ZNF148: variants seen among roughly 807,000 people sequenced by gnomAD.
The protein encoded by ZNF148 is zinc finger protein 148.
Under a neutral mutation model 67.7 loss-of-function variants are expected in ZNF148, and 7 were observed. The ratio of observed to expected loss-of-function variants is 0.10; its 90% CI spans 0.06 to 0.19. ZNF148 has a LOEUF of 0.19. Among genes scored for constraint, ZNF148 ranks in the 10% least tolerant of loss-of-function variants. The pLI, the probability that ZNF148 is intolerant of heterozygous loss-of-function variation, is 1.00. For missense variants in ZNF148, 583 were observed against 947.1 expected (o/e 0.62, Z 5.05); for synonymous variants, 333 against 330.7 (o/e 1.01, Z -0.08).
At chr3:125,322,783 A>G (rs1579802826) in intron 3 of ZNF148, among the ~76,000 whole-genome samples, 2 of 152,332 alleles carry the variant, frequency 1.3e-5, no homozygotes, top group South Asian at 4.1e-4. Context: ...ATATACTAAT[A>G]TATCAAACTT....
chr3:125,242,916 C>T (rs1936432088), intron 7 of ZNF148, among the ~76,000 whole-genome samples: 1 of 152,172 alleles, frequency 6.6e-6, no homozygotes, highest in African/African-American at 2.4e-5. Flanking sequence ...AATTCATAAG[C>T]CTTTATAATA....
chr3:125,244,045 A>C (rs1936485685), intron 7 of ZNF148, among the ~76,000 whole-genome samples: 1 of 152,204 alleles, frequency 6.6e-6, no homozygotes, highest in Admixed American at 6.5e-5. Context: ...GTATCAAGAA[A>C]TTTTAAATGT....
rs540549958 is a variant in ZNF148, at chr3:125,298,569, G to A, written c.334-10341C>T. Among the ~76,000 whole-genome samples the A allele has an allele frequency of 6.6e-5, 10 of 150,516 alleles. No homozygotes were observed. In the South Asian group the frequency reaches 2.1e-3, roughly 32 times the overall value. ...TGTAAATTTCAAATGCATACAAATA[G>A]CATTATCCAATTTATGTAATAAAAC... On this transcript the variant is annotated intron_variant, in intron 4 of 8. Transcript: ENST00000360647.
chr3:125,368,892 C>T (rs1033562507), intron 1 of ZNF148, among the ~76,000 whole-genome samples: 5 of 151,630 alleles, frequency 3.3e-5, no homozygotes, highest in African/African-American at 9.7e-5. Context: ...TTGCAGTGAG[C>T]CAAGATGGCG....
intron 1 of ZNF148, among the ~76,000 whole-genome samples, chr3:125,338,659 CAAAAAAAAAAAAAA>C (rs757727396): frequency 1.6e-3 from 83 of 51,194 alleles, no homozygotes; most frequent in South Asian, 0.011. Context: ...GACCCTGTCT[CAAAAAAAAAAAAAA>C]AAAAAAAAAA....
chr3:125,337,698 C>T (rs1446222068), intron 1 of ZNF148, among the ~76,000 whole-genome samples: 1 of 152,196 alleles, frequency 6.6e-6, no homozygotes, highest in African/African-American at 2.4e-5. Context: ...TAAACACTCA[C>T]ACACAACTAT....
rs1173134232 is a variant in ZNF148, at chr3:125,233,094, C to G, written c.1632G>C (p.Leu544=). ...TAGCTTTGTGGGAATAATGATCCAA[C>G]AGAGTCTGCAGTACCTCATCTGGAA... ...NVIPDEVLQT[L]LDHYSHKANG... The change falls in exon 9 of 9, where the codon CTG becomes CTC. Residue 544 remains leucine (L), a synonymous_variant. Transcript: ENST00000360647. The surrounding 1 kb of genome is among the most constrained non-coding windows in gnomAD (Gnocchi z 5.1). 1.2e-6 allele frequency: 2 copies of G among 1,613,642 alleles called. No individual in the cohort carries two copies. The highest frequency in any genetic ancestry group is 1.1e-5 in the South Asian group (1 of 91,068).
In ZNF148 at chr3:125,262,555, G is replaced by T. The variant is rs138426759; in HGVS notation, c.667+15171C>A. Among the ~76,000 whole-genome samples the T allele has an allele frequency of 3.1e-4, 47 of 152,244 alleles. 2 individuals are homozygous for T. Among genetic ancestry groups the T allele is most frequent in the African/African-American group, 9.6e-4 (40 of 41,546 alleles). On this transcript the variant is annotated intron_variant, in intron 7 of 8. Transcript: ENST00000360647. ...GGGAGAAATTTCACATATAAACACT[G>T]GTTTCCCTTGTAATAACAGGCTGAA...
intron 7 of ZNF148, among the ~76,000 whole-genome samples, chr3:125,239,729 T>C (rs1213619634): frequency 6.6e-6 from 1 of 152,186 alleles, no homozygotes; most frequent in Non-Finnish European, 1.5e-5. Flanking sequence ...GCGGCATTAT[T>C]CACAATGGCC....
chr3:125,256,701 A>G (rs373346727), intron 7 of ZNF148, among the ~76,000 whole-genome samples: 83 of 152,244 alleles, frequency 5.5e-4, no homozygotes, highest in African/African-American at 1.9e-3. Context: ...AACAAAACAA[A>G]AAATTAAGCC....
intron 4 of ZNF148, among the ~76,000 whole-genome samples, chr3:125,298,210 C>A (rs898194972): frequency 6.6e-6 from 1 of 152,104 alleles, no homozygotes; most frequent in Non-Finnish European, 1.5e-5. Context: ...ATATCTTGAT[C>A]TTGATAGCAG....
At chr3:125,324,091 T>C (rs1182513178) in intron 2 of ZNF148, among the ~76,000 whole-genome samples, 4 of 152,012 alleles carry the variant, frequency 2.6e-5, no homozygotes, top group Admixed American at 6.6e-5. Flanking sequence ...AAGAAACTAC[T>C]TACAGGGTGC....
intron 5 of ZNF148, among the ~76,000 whole-genome samples, chr3:125,279,645 TA>T (rs1938269017): frequency 1.3e-5 from 2 of 151,304 alleles, no homozygotes; most frequent in Non-Finnish European, 2.9e-5. Context: ...GCTAATTAAA[TA>T]AATCATGGAA....
chr3:125,314,882 AC>A (rs1266223263), intron 3 of ZNF148: 1 of 152,022 alleles, frequency 6.6e-6, no homozygotes, highest in Non-Finnish European at 1.5e-5. Context: ...ACAAGGCAAA[AC>A]CCCATCTCTA....
chr3:125,317,541 C>T (rs1008822851), intron 3 of ZNF148, among the ~76,000 whole-genome samples: 3 of 151,196 alleles, frequency 2.0e-5, no homozygotes, highest in Admixed American at 1.3e-4. Flanking sequence ...CAATGGAACA[C>T]ATGCAGCCAT....
chr3:125,264,856 G>A (rs1937497528), intron 7 of ZNF148, among the ~76,000 whole-genome samples: 1 of 152,110 alleles, frequency 6.6e-6, no homozygotes, highest in African/African-American at 2.4e-5. Flanking sequence ...ATGAGGCAGG[G>A]GAAAGAGAGA....
At chr3:125,319,588 G>C (rs751598631) in intron 3 of ZNF148, among the ~76,000 whole-genome samples, 2 of 152,170 alleles carry the variant, frequency 1.3e-5, no homozygotes, top group African/African-American at 4.8e-5. Context: ...AAATTAATAT[G>C]TTTATGTCTG....
intron 1 of ZNF148, among the ~76,000 whole-genome samples, chr3:125,367,281 T>C (rs1942731759): frequency 1.3e-5 from 2 of 152,220 alleles, no homozygotes; most frequent in Admixed American, 1.3e-4. Flanking sequence ...TTACCCTCCA[T>C]CTTCTCATGC....
intron 7 of ZNF148, among the ~76,000 whole-genome samples, chr3:125,265,617 C>A (rs530802977): frequency 3.9e-5 from 6 of 152,254 alleles, no homozygotes; most frequent in African/African-American, 1.2e-4. Flanking sequence ...TCAAACTCCA[C>A]GTCCTCCCCC....
Sources: allele counts gnomAD v4.1 joint callset (sites outside exome capture counted in the v4.1 genomes callset), GRCh38; gene constraint gnomAD v4.1.1; non-coding constraint Gnocchi (gnomAD v3.1); transcripts MANE v1.5; gene names NCBI Gene and HGNC (gene_info 2026-07-23, HGNC 2026-07-21).